Variants in TRAF3 observed in about 807,000 individuals in gnomAD.
The protein encoded by TRAF3 is TNF receptor-associated factor 3.
TRAF3 carries 13 observed loss-of-function variants against 62.3 expected under a neutral mutation model. That is an observed-to-expected ratio of 0.21 (90% CI 0.14 to 0.33). The LOEUF (loss-of-function observed/expected upper bound fraction) is 0.33, where lower values mean the gene tolerates loss of function less well. TRAF3 is among the 10% of genes least tolerant of loss of function. The probability of loss-of-function intolerance (pLI) is 1.00; values close to 1 mark genes in which losing one functional copy is unlikely to be tolerated. For missense variants in TRAF3, 440 were observed against 741.8 expected, an observed-to-expected ratio of 0.59 and a Z score of 4.73; for synonymous variants, 269 against 283.4, an observed-to-expected ratio of 0.95 and a Z score of 0.51.
At chr14:102,882,297 T>C (rs886506736) in intron 6 of TRAF3, among the ~76,000 whole-genome samples, 2 of 152,262 alleles carry the variant, frequency 1.3e-5, no homozygotes, top group African/African-American at 4.8e-5. Context: ...TTGCACTTCA[T>C]GCTTGAGATG....
chr14:102,887,891 G>A (rs1203318684), intron 7 of TRAF3, among the ~76,000 whole-genome samples: 2 of 152,034 alleles, frequency 1.3e-5, no homozygotes, highest in Non-Finnish European at 2.9e-5. Context: ...CACCGCGCCC[G>A]GCCAATAATT....
At chr14:102,810,406 G>C (rs747782047) in intron 1 of TRAF3, among the ~76,000 whole-genome samples, 65 of 152,172 alleles carry the variant, frequency 4.3e-4, no homozygotes, top group Non-Finnish European at 8.8e-5. Flanking sequence ...TGGAGTGGTG[G>C]ACCATCAGAA....
chr14:102,906,026 GAGA>G lies in TRAF3; in HGVS notation c.*245_*247del. 2.3e-6 allele frequency: 1 copy of G among 441,462 alleles called. No individual in the cohort carries two copies. The highest frequency in any genetic ancestry group is 4.8e-5 in the South Asian group (1 of 20,964). The allele number at this position is 441,462 out of a possible 1,614,324, so 27.3% of individuals were successfully genotyped here. A position where few individuals can be genotyped will look rare whatever the true frequency, so the allele number is the denominator to read the frequency against. On this transcript the variant is annotated 3_prime_UTR_variant, in exon 12 of 12. Coordinates refer to ENST00000392745, the MANE Select transcript of TRAF3 (RefSeq NM_145725.3). Reference sequence around the variant, plus strand: ...TTCAACAAGATAAATATTGCTGTCAGAGAAGGTTTTCATTTTCATTTTTAAAGA... The same window carrying G: ...TTCAACAAGATAAATATTGCTGTCAGAGGTTTTCATTTTCATTTTTAAAGA...
chr14:102,839,646 C>T (rs142551950), intron 2 of TRAF3, among the ~76,000 whole-genome samples: 76 of 152,298 alleles, frequency 5.0e-4, no homozygotes, highest in Non-Finnish European at 9.6e-4. Context: ...GTCAGTGTGT[C>T]GCCCAGATAC....
chr14:102,858,812 C>G (rs1018797942), intron 2 of TRAF3, among the ~76,000 whole-genome samples: 2 of 152,174 alleles, frequency 1.3e-5, no homozygotes, highest in Non-Finnish European at 2.9e-5. Context: ...GACAGTGCTT[C>G]CTGTATGATT....
In TRAF3 at chr14:102,876,424, G is replaced by A; in HGVS notation, c.469G>A (p.Val157Ile). The change falls in exon 6 of 12, where the codon GTC becomes ATC. Residue 157 changes from valine (V) to isoleucine (I), a missense_variant. Physicochemically the swap from Val to Ile is conservative, Grantham distance 29. Around this residue, in one of 6 missense-constraint regions of TRAF3, gnomAD observed 255 missense variants for 424.1 expected, o/e 0.60. Transcript: ENST00000392745. ...TGTGCGTCCTGACTGCAAAGAAAAG[G>A]TCTTGAGGAAAGACCTGCGAGACCA... Reference protein sequence around the residue: ...PCVRPDCKEKVLRKDLRDHVE... With the variant: ...PCVRPDCKEKILRKDLRDHVE... 6.2e-7 allele frequency: 1 copy of A among 1,614,242 alleles called. No individual in the cohort carries two copies. The highest frequency in any genetic ancestry group is 8.5e-7 in the Non-Finnish European group (1 of 1,180,048).
chr14:102,889,436 T>TAC (rs1889585580), intron 7 of TRAF3, 124 bp from the exon 8 acceptor site: 2 of 973,050 alleles, frequency 2.1e-6, no homozygotes, highest in South Asian at 1.3e-5. Context: ...AGATGATATA[T>TAC]ACACACCTGT....
chr14:102,790,769 G>A (rs1185097385), intron 1 of TRAF3, among the ~76,000 whole-genome samples: 3 of 152,162 alleles, frequency 2.0e-5, no homozygotes, highest in Non-Finnish European at 2.9e-5. Context: ...GATTACTGAA[G>A]CTTTGTAGTA....
intron 1 of TRAF3, among the ~76,000 whole-genome samples, chr14:102,792,300 T>A (rs1897842641): frequency 6.6e-6 from 1 of 151,748 alleles, no homozygotes; most frequent in African/African-American, 2.4e-5. Flanking sequence ...GCTAATTTTT[T>A]AATTTTTGTG....
intron 1 of TRAF3, among the ~76,000 whole-genome samples, chr14:102,809,600 T>G (rs1206487476): frequency 1.4e-5 from 2 of 145,800 alleles, no homozygotes; most frequent in Admixed American, 1.4e-4. Context: ...GGGCGCAATC[T>G]CGGCTCACTG....
intron 2 of TRAF3, among the ~76,000 whole-genome samples, chr14:102,848,590 C>T (rs984085121): frequency 3.3e-5 from 5 of 152,192 alleles, no homozygotes; most frequent in Non-Finnish European, 7.3e-5. Context: ...ATCATGATCT[C>T]ATAATAGTAC....
In TRAF3 at chr14:102,797,571, CTG is replaced by C. The variant is rs1367831708; in HGVS notation, c.-157+19898_-157+19899del. On this transcript the variant is annotated intron_variant, in intron 1 of 11. Coordinates refer to ENST00000392745, the MANE Select transcript of TRAF3 (RefSeq NM_145725.3). Reference sequence around the variant, plus strand: ...TAGAGACCAGTGGTCTAGTCCCCATCTGTCTTTGTGACCTTAGGCAAATCATT... The same window carrying C: ...TAGAGACCAGTGGTCTAGTCCCCATCTCTTTGTGACCTTAGGCAAATCATT... Among the ~76,000 whole-genome samples the C allele has an allele frequency of 3.9e-5, 6 of 152,286 alleles. No homozygotes were observed. The East Asian group carries it at 9.6e-4, about 24-fold the overall frequency.
At chr14:102,807,913 C>T (rs1332634633) in intron 1 of TRAF3, among the ~76,000 whole-genome samples, 1 of 152,122 alleles carries the variant, frequency 6.6e-6, no homozygotes, top group Admixed American at 6.5e-5. Context: ...AGCACCATGG[C>T]CTTGGCATAA....
chr14:102,876,770 G>C (rs149554222), intron 6 of TRAF3: 1 of 491,100 alleles, frequency 2.0e-6, no homozygotes, highest in African/African-American at 2.2e-5. Context: ...CAGGCCTTCC[G>C]CTCAGCTCAC....
chr14:102,839,577 T>C (rs1886252300), intron 2 of TRAF3, among the ~76,000 whole-genome samples: 1 of 152,182 alleles, frequency 6.6e-6, no homozygotes, highest in Non-Finnish European at 1.5e-5. Flanking sequence ...CTTTCAACAG[T>C]GAAGAAATTG....
intron 2 of TRAF3, among the ~76,000 whole-genome samples, chr14:102,845,998 A>C (rs1052139240): frequency 4.9e-5 from 7 of 142,848 alleles, no homozygotes; most frequent in Non-Finnish European, 7.4e-5. Flanking sequence ...AAAAAAAAAA[A>C]AAAAAAAAAA....
intron 1 of TRAF3, among the ~76,000 whole-genome samples, chr14:102,811,913 CTTTTTTTTTTTTTTTTTTT>C (rs71119743): frequency 2.1e-5 from 1 of 47,090 alleles, no homozygotes; most frequent in African/African-American, 8.2e-5. Flanking sequence ...ATGCCTGGCC[CTTTTTTTTTTTTTTTTTTT>C]TTTTTTTTTT....
At chr14:102,779,562 C>A (rs987508616) in intron 1 of TRAF3, among the ~76,000 whole-genome samples, 1 of 152,134 alleles carries the variant, frequency 6.6e-6, no homozygotes, top group Non-Finnish European at 1.5e-5. Context: ...TCTAAATACT[C>A]CTGCAAGAAT....
rs913206145 is a variant in TRAF3, at chr14:102,826,989, G to C, written c.-156-3345G>C. On this transcript the variant is annotated intron_variant, in intron 1 of 11. Transcript: ENST00000392745. The surrounding 1 kb of genome is among the most constrained non-coding windows in gnomAD (Gnocchi z 4.6). The stretch of plus-strand genomic sequence containing the variant: ...AGTGGTGGTGGCGGTGGCTGTACCT[G>C]CTCCGGGCTGCTGTGAGGGAGGGAC... Among the ~76,000 whole-genome samples the C allele has an allele frequency of 6.6e-6, 1 of 152,178 alleles. No homozygotes were observed. Among genetic ancestry groups the C allele is most frequent in the African/African-American group, 2.4e-5 (1 of 41,434 alleles).
Sources: gnomAD v4.1 joint callset for allele counts (sites outside exome capture counted in the v4.1 genomes callset) on GRCh38, gnomAD v4.1.1 for gene constraint, gnomAD v4.1.1 regional missense constraint, Gnocchi (gnomAD v3.1) non-coding constraint, MANE v1.5 for transcripts, NCBI Gene and HGNC (gene_info 2026-07-23, HGNC 2026-07-21) for gene names.